SHANK2: variants seen among roughly 807,000 people sequenced by gnomAD.
The protein encoded by SHANK2 is SH3 and multiple ankyrin repeat domains protein 2.
SHANK2 carries 43 observed loss-of-function variants against 133.7 expected under a neutral mutation model. The observed-to-expected ratio is 0.32, with a 90% CI of 0.25 to 0.41. The LOEUF (loss-of-function observed/expected upper bound fraction) is 0.41, where lower values mean the gene tolerates loss of function less well. SHANK2 is among the 10% of genes least tolerant of loss of function. The pLI, the probability that SHANK2 is intolerant of heterozygous loss-of-function variation, is 1.00. For synonymous variants in SHANK2, 1,017 were observed against 952.8 expected (o/e 1.07, Z -1.24); for missense variants, 1,994 against 2,235.8 (o/e 0.89, Z 2.18).
intron 7 of SHANK2, 108 bp downstream of exon 7, chr11:71,094,429 G>T: frequency 1.8e-6 from 2 of 1,135,386 alleles, no homozygotes; most frequent in Non-Finnish European, 2.5e-6. Flanking sequence ...GGGTGGGCCG[G>T]AACACTGTGC....
intron 17 of SHANK2, among the ~76,000 whole-genome samples, chr11:70,568,649 C>CCCCCCCG (rs1554982459): frequency 8.4e-6 from 1 of 118,774 alleles, no homozygotes; most frequent in Non-Finnish European, 1.8e-5. Context: ...GATTCCTGCC[C>CCCCCCCG]CCCCCGCCCA....
In SHANK2 at chr11:70,785,852, G is replaced by A. The variant is rs560317393; in HGVS notation, c.1777+12591C>T. Among the ~76,000 whole-genome samples the A allele has an allele frequency of 2.6e-4, 39 of 152,328 alleles. No individual in the cohort carries two copies. In the South Asian group the frequency reaches 7.1e-3, roughly 28 times the overall value. On this transcript the variant is annotated intron_variant, in intron 14 of 25. Coordinates refer to ENST00000601538, the MANE Select transcript of SHANK2 (RefSeq NM_012309.5). ...AGCCGAGATTAATTTGCACCAGGTC[G>A]AGGGAGTGGACATGGGGATGCTCTG...
At chr11:70,902,322 G>A (rs1950034599) in intron 10 of SHANK2, among the ~76,000 whole-genome samples, 1 of 152,198 alleles carries the variant, frequency 6.6e-6, no homozygotes, top group Admixed American at 6.5e-5. Context: ...AACAGTCTGT[G>A]TTTCTCTTCT....
intron 1 of SHANK2, among the ~76,000 whole-genome samples, chr11:71,249,097 C>A (rs992807387): frequency 2.0e-5 from 3 of 152,126 alleles, no homozygotes; most frequent in Admixed American, 1.3e-4. Flanking sequence ...GGTGCAGTGG[C>A]CAAGTCACAA....
chr11:70,897,492 T>C (rs1357276415), intron 10 of SHANK2, among the ~76,000 whole-genome samples: 1 of 152,244 alleles, frequency 6.6e-6, no homozygotes, highest in Non-Finnish European at 1.5e-5. Flanking sequence ...AACTCCTGCC[T>C]GAGTTTCCAG....
intron 10 of SHANK2, among the ~76,000 whole-genome samples, chr11:70,908,262 G>A (rs535848249): frequency 6.6e-6 from 1 of 152,322 alleles, no homozygotes; most frequent in South Asian, 2.1e-4. Context: ...CGTTTAAGTG[G>A]AGGGTCAGCC....
In SHANK2 at chr11:70,784,357, T is replaced by TG. The variant is rs1267404583; in HGVS notation, c.1777+14085_1777+14086insC. 7.0e-5 allele frequency among the ~76,000 whole-genome samples: 9 copies of TG among 128,994 alleles called. No individual in the cohort carries two copies. The South Asian group carries it at 9.8e-4, about 14-fold the overall frequency. The allele number at this position is 128,994 out of a possible 152,430, so 84.6% of individuals were successfully genotyped here. Reference sequence around the variant, plus strand: ...CACACCGGCTAGTTTTTTTTTTTTTTTTTTTTTTTTTTTTTTTTAAGTAGC... The same window carrying TG: ...CACACCGGCTAGTTTTTTTTTTTTTTGTTTTTTTTTTTTTTTTTTAAGTAGC... On this transcript the variant is annotated intron_variant, in intron 14 of 25. Coordinates refer to ENST00000601538, the MANE Select transcript of SHANK2 (RefSeq NM_012309.5).
intron 1 of SHANK2, among the ~76,000 whole-genome samples, chr11:71,240,494 G>A (rs1046441409): frequency 2.6e-5 from 4 of 152,158 alleles, no homozygotes; most frequent in African/African-American, 4.8e-5. Flanking sequence ...CGGTGGAGGC[G>A]GGGACACTGC....
At chr11:70,855,461 G>A (rs1478755114) in intron 11 of SHANK2, among the ~76,000 whole-genome samples, 2 of 152,146 alleles carry the variant, frequency 1.3e-5, no homozygotes, top group Non-Finnish European at 2.9e-5. Flanking sequence ...ACAACCTCCA[G>A]GCAGGTCCCC....
rs117057555 is a variant in SHANK2 at position 71,175,050 on chromosome 11, C to T, written c.-12-27712G>A. Among the ~76,000 whole-genome samples, 1,153 of 146,636 alleles carry T rather than the reference C, an allele frequency of 7.9e-3. 9 individuals carry two copies. The highest frequency in any genetic ancestry group is 0.021 in the Middle Eastern group (6 of 288). On this transcript the variant is annotated intron_variant, in intron 2 of 25. Coordinates refer to ENST00000601538, the MANE Select transcript of SHANK2 (RefSeq NM_012309.5). The surrounding 1 kb of genome is among the most constrained non-coding windows in gnomAD (Gnocchi z 4.2). ...GTCATGCTCTCAGATAAGCCTTCCC[C>T]GGTTACCTTTCTGCAGCTACAAAAC...
intron 11 of SHANK2, among the ~76,000 whole-genome samples, chr11:70,889,613 A>C (rs530499): frequency 0.91 from 138,119 of 151,954 alleles, 63,584 homozygotes; most frequent in Non-Finnish European, 0.98. Flanking sequence ...TTCCAGAGGA[A>C]CCCTCGACCA....
intron 2 of SHANK2, among the ~76,000 whole-genome samples, chr11:71,213,624 T>C (rs1555119176): frequency 6.6e-6 from 1 of 152,180 alleles, no homozygotes; most frequent in Admixed American, 6.5e-5. Context: ...GAGGGTCTCC[T>C]TCTGATGTTC....
intron 11 of SHANK2, among the ~76,000 whole-genome samples, chr11:70,895,209 C>G (rs1455548738): frequency 6.6e-6 from 1 of 152,198 alleles, no homozygotes; most frequent in Non-Finnish European, 1.5e-5. Flanking sequence ...GTGCGGTTCT[C>G]CAAGGCGGGG....
intron 17 of SHANK2, chr11:70,603,431 G>C (rs2060527014): frequency 6.6e-6 from 1 of 152,228 alleles, no homozygotes; most frequent in African/African-American, 2.4e-5. Flanking sequence ...TATCCCCAGT[G>C]TCCCTCCACA....
At chr11:70,926,955 T>C (rs1177623245) in intron 10 of SHANK2, among the ~76,000 whole-genome samples, 1 of 152,164 alleles carries the variant, frequency 6.6e-6, no homozygotes, top group Non-Finnish European at 1.5e-5. Context: ...TACTTACCAA[T>C]AACCACTTGT....
intron 24 of SHANK2, among the ~76,000 whole-genome samples, chr11:70,488,405 C>A (rs906434508): frequency 6.6e-6 from 1 of 152,178 alleles, no homozygotes; most frequent in African/African-American, 2.4e-5. Flanking sequence ...TGGCTCTGTG[C>A]GTGCTGGGAG....
At chr11:70,640,398 C>T (rs533197759) in intron 17 of SHANK2, among the ~76,000 whole-genome samples, 11 of 152,254 alleles carry the variant, frequency 7.2e-5, no homozygotes, top group East Asian at 5.8e-4. Context: ...CACGGGAAGC[C>T]GGAAGAGGCT....
intron 17 of SHANK2, among the ~76,000 whole-genome samples, chr11:70,546,976 G>A (rs2059703458): frequency 1.3e-5 from 2 of 152,124 alleles, no homozygotes; most frequent in Admixed American, 1.3e-4. Context: ...TCCCGACCCT[G>A]GATACCTGAT....
chr11:70,620,398 T>C (rs1362793140), intron 17 of SHANK2, among the ~76,000 whole-genome samples: 1 of 152,166 alleles, frequency 6.6e-6, no homozygotes, highest in Non-Finnish European at 1.5e-5. Flanking sequence ...TTGGTGGCTG[T>C]CCATGAAGTA....
Sources: allele counts gnomAD v4.1 joint callset (sites outside exome capture counted in the v4.1 genomes callset), GRCh38; gene constraint gnomAD v4.1.1; non-coding constraint Gnocchi (gnomAD v3.1); transcripts MANE v1.5; gene names NCBI Gene and HGNC (gene_info 2026-07-23, HGNC 2026-07-21).